The following BLTP1 variants were observed in gnomAD, a reference collection of about 807,000 sequenced individuals.
BLTP1 encodes the protein bridge-like lipid transfer protein family member 1, also known as fragile site-associated protein.
At chr4:122,334,070 T>C in the BLTP1 span, among the ~76,000 whole-genome samples, 1 of 152,118 alleles carries the variant, frequency 6.6e-6, no homozygotes, top group African/African-American at 2.4e-5. Context: ...TAAACCTTGC[T>C]AGTGCAACTT....
the BLTP1 span, among the ~76,000 whole-genome samples, chr4:122,183,764 T>A: frequency 4.5e-4 from 69 of 152,168 alleles, 1 homozygote; most frequent in Non-Finnish European, 5.9e-5. Flanking sequence ...TGGAACAAAA[T>A]TCTAGGGTTA....
the BLTP1 span, chr4:122,200,007 C>A: frequency 1.0e-5 from 10 of 976,628 alleles, no homozygotes; most frequent in Non-Finnish European, 1.2e-5. Flanking sequence ...GACAACAACA[C>A]TAACAATAAC....
At chr4:122,321,850 T>C in the BLTP1 span, among the ~76,000 whole-genome samples, 1 of 151,434 alleles carries the variant, frequency 6.6e-6, no homozygotes, top group Non-Finnish European at 1.5e-5. Flanking sequence ...GGGTTGTTTT[T>C]TTCCTCTCAA....
the BLTP1 span, chr4:122,226,088 T>C: frequency 2.0e-5 from 3 of 152,338 alleles, no homozygotes; most frequent in African/African-American, 7.2e-5. Context: ...GTAAAATTTA[T>C]ATTTTCCAAG....
At chr4:122,189,288 T>C in the BLTP1 span, 11 of 977,112 alleles carry the variant, frequency 1.1e-5, no homozygotes, top group African/African-American at 1.8e-5. Context: ...GAAGTTAATT[T>C]TGATATGCAA....
the BLTP1 span, chr4:122,325,816 G>GTTTTTTTTTTTTTTTTTTTTTTAT: frequency 1.3e-6 from 1 of 786,100 alleles, no homozygotes. Context: ...TTTTTCATGA[G>GTTTTTTTTTTTTTTTTTTTTTTAT]TTTTTTTTTT....
At chr4:122,228,804 T>C in the BLTP1 span, among the ~76,000 whole-genome samples, 2 of 152,208 alleles carry the variant, frequency 1.3e-5, no homozygotes, top group Non-Finnish European at 2.9e-5. Flanking sequence ...TGGCACTGTT[T>C]TACTTTTCAC....
chr4:122,221,964 A>G, the BLTP1 span: 8 of 898,126 alleles, frequency 8.9e-6, no homozygotes, highest in Non-Finnish European at 1.0e-5. Flanking sequence ...ATGAATGTTC[A>G]CATTAATTCT....
the BLTP1 span, among the ~76,000 whole-genome samples, chr4:122,209,577 G>A: frequency 3.9e-5 from 6 of 152,108 alleles, no homozygotes; most frequent in South Asian, 2.1e-4. Flanking sequence ...CCCAGGAGGC[G>A]GAGGTTGCAG....
At chr4:122,265,791 C>T in the BLTP1 span, among the ~76,000 whole-genome samples, 10 of 152,012 alleles carry the variant, frequency 6.6e-5, no homozygotes, top group South Asian at 4.1e-4. Flanking sequence ...CTCCACCTCC[C>T]GGGTTCACGC....
the BLTP1 span, chr4:122,176,027 C>T: frequency 3.3e-6 from 2 of 612,854 alleles, no homozygotes; most frequent in East Asian, 3.0e-5. Context: ...TTAGGCCAGT[C>T]ACGGTGGCTT....
At chr4:122,167,370 C>T in the BLTP1 span, among the ~76,000 whole-genome samples, 1 of 152,032 alleles carries the variant, frequency 6.6e-6, no homozygotes, top group Admixed American at 6.5e-5. Flanking sequence ...CTATTTCTGC[C>T]GCAACATACT....
the BLTP1 span, chr4:122,153,932 G>C: frequency 1.1e-6 from 1 of 904,658 alleles, no homozygotes; most frequent in Non-Finnish European, 1.3e-6. Flanking sequence ...GTTTGTGCAT[G>C]ATTAAGTAAC....
chr4:122,314,092 A>G, the BLTP1 span: 1 of 981,516 alleles, frequency 1.0e-6, no homozygotes, highest in Non-Finnish European at 1.2e-6. Flanking sequence ...ATGGGAGAAT[A>G]CTGGGATCAG....
At chr4:122,331,848 A>T in the BLTP1 span, 1 of 845,888 alleles carries the variant, frequency 1.2e-6, no homozygotes, top group South Asian at 5.4e-5. Flanking sequence ...TATTATACAT[A>T]TTTCAGTTTT....
At chr4:122,348,885 C>A in the BLTP1 span, 1 of 543,880 alleles carries the variant, frequency 1.8e-6, no homozygotes, top group Non-Finnish European at 3.2e-6. Context: ...AAGGATACTG[C>A]AATATAAAAC....
the BLTP1 span, chr4:122,317,979 GTTTTC>G: frequency 1.4e-5 from 3 of 219,098 alleles, no homozygotes; most frequent in African/African-American, 7.0e-5. Flanking sequence ...GATGTTTTTT[GTTTTC>G]TTAACAGTTC....
chr4:122,313,833 A>G, the BLTP1 span: 1 of 398,192 alleles, frequency 2.5e-6, no homozygotes, highest in African/African-American at 2.1e-5. Context: ...TTTATTTAAC[A>G]ATTATTAATC....
the BLTP1 span, among the ~76,000 whole-genome samples, chr4:122,220,010 C>T: frequency 3.3e-5 from 5 of 152,138 alleles, no homozygotes; most frequent in African/African-American, 7.2e-5. Context: ...TATCCTGGGT[C>T]GCTCTAAGGA....
Sources: gnomAD v4.1 joint callset for allele counts (sites outside exome capture counted in the v4.1 genomes callset) on GRCh38, gnomAD v4.1.1 for gene constraint, MANE v1.5 for transcripts, NCBI Gene and HGNC (gene_info 2026-07-23, HGNC 2026-07-21) for gene names.